The following USP6NL variants were observed in gnomAD, a reference collection of about 807,000 sequenced individuals.
USP6NL encodes USP6 N-terminal-like protein.
USP6NL carries 26 observed loss-of-function variants against 61.9 expected under a neutral mutation model. The ratio of observed to expected loss-of-function variants is 0.42; its 90% CI spans 0.31 to 0.58. The LOEUF is 0.58. Among genes scored for constraint, USP6NL ranks in the 20% least tolerant of loss-of-function variants. The probability of loss-of-function intolerance (pLI) is 0.16; values close to 1 mark genes in which losing one functional copy is unlikely to be tolerated. For synonymous variants in USP6NL, 432 were observed against 390.1 expected (o/e 1.11, Z -1.27); for missense variants, 1,114 against 1,034.3 (o/e 1.08, Z -1.06).
At position 11,462,060 on chromosome 10, in the gene USP6NL, A is replaced by G. The variant is rs1421467884; in HGVS notation, c.*381T>C. ...AGACACATACACTACATATAGCCTTAAAAATATCTATTCTACAGTTTTTTC... is the reference window on the plus strand; with the variant it reads ...AGACACATACACTACATATAGCCTTGAAAATATCTATTCTACAGTTTTTTC... On this transcript the variant is annotated 3_prime_UTR_variant, in exon 15 of 15. Transcript: ENST00000609104. 1.0e-5 allele frequency: 2 copies of G among 195,520 alleles called. No homozygotes were observed. Among genetic ancestry groups the G allele is most frequent in the East Asian group, 2.6e-4 (2 of 7,810 alleles). 12.1% of individuals were successfully genotyped at this position (195,520 alleles called of 1,614,324 possible).
intron 1 of USP6NL, among the ~76,000 whole-genome samples, chr10:11,601,675 C>T (rs1222221032): frequency 6.6e-6 from 1 of 152,154 alleles, no homozygotes; most frequent in Non-Finnish European, 1.5e-5. Flanking sequence ...TTAAGCCATG[C>T]TTAAGAGGCC....
At chr10:11,599,840 TCA>T (rs1838457760) in intron 1 of USP6NL, among the ~76,000 whole-genome samples, 1 of 151,926 alleles carries the variant, frequency 6.6e-6, no homozygotes, top group Admixed American at 6.6e-5. Context: ...TTTGTATTTT[TCA>T]CAGAGACAGC....
rs543951273 is a variant in USP6NL at position 11,546,903 on chromosome 10, C to A, written c.5-19336G>T. On this transcript the variant is annotated intron_variant, in intron 2 of 14. Coordinates refer to ENST00000609104, the MANE Select transcript of USP6NL (RefSeq NM_014688.5). ...TACGCTTTAGAAACAACTTTTCTAA[C>A]AAATAATGTCTGGAATGTGTGGATA... Among the ~76,000 whole-genome samples, 11 of 152,274 alleles carry A rather than the reference C, an allele frequency of 7.2e-5. No homozygotes were observed. In the East Asian group the frequency reaches 2.1e-3, roughly 29 times the overall value.
At chr10:11,605,652 G>C (rs1237974582) in intron 1 of USP6NL, among the ~76,000 whole-genome samples, 4 of 152,110 alleles carry the variant, frequency 2.6e-5, no homozygotes, top group Non-Finnish European at 4.4e-5. Context: ...AACTAGAAAA[G>C]TGGCAAAGCA....
At chr10:11,554,562 CAG>C (rs1386814485) in intron 2 of USP6NL, among the ~76,000 whole-genome samples, 1 of 152,106 alleles carries the variant, frequency 6.6e-6, no homozygotes, top group Non-Finnish European at 1.5e-5. Context: ...AATGGAGAAC[CAG>C]AAATAAGTGA....
At chr10:11,601,263 G>A (rs1265893968) in intron 1 of USP6NL, among the ~76,000 whole-genome samples, 7 of 152,008 alleles carry the variant, frequency 4.6e-5, no homozygotes, top group Non-Finnish European at 7.4e-5. Flanking sequence ...ACACACACAC[G>A]TAAAGATACC....
intron 2 of USP6NL, among the ~76,000 whole-genome samples, chr10:11,552,518 G>A (rs1453654609): frequency 6.6e-6 from 1 of 152,192 alleles, no homozygotes; most frequent in Admixed American, 6.5e-5. Flanking sequence ...TCCTGCCTAC[G>A]GATAGGGGTG....
rs558379437 is a variant in USP6NL at position 11,465,376 on chromosome 10, T to A, written c.1079-1527A>T. 6.6e-6 allele frequency among the ~76,000 whole-genome samples: 1 copy of A among 152,308 alleles called. No individual in the cohort carries two copies. Among genetic ancestry groups the A allele is most frequent in the East Asian group, 1.9e-4 (1 of 5,194 alleles). On this transcript the variant is annotated intron_variant, in intron 14 of 14. Transcript: ENST00000609104. The surrounding 1 kb of genome is among the most constrained non-coding windows in gnomAD (Gnocchi z 4.5). ...TGTGACGCCCAGAGTGGTGAATGCA[T>A]GCCTGAAGATGCACTGTCACAGGGG...
At chr10:11,486,909 T>C (rs1400197949) in intron 10 of USP6NL, among the ~76,000 whole-genome samples, 1 of 152,168 alleles carries the variant, frequency 6.6e-6, no homozygotes, top group Non-Finnish European at 1.5e-5. Context: ...GCACATGCTA[T>C]TGGGCAATGG....
intron 2 of USP6NL, among the ~76,000 whole-genome samples, chr10:11,570,385 G>A (rs1016506943): frequency 7.9e-5 from 12 of 152,116 alleles, no homozygotes; most frequent in African/African-American, 2.9e-4. Flanking sequence ...TAGAGGAAAA[G>A]TATGAAGGAA....
chr10:11,492,134 GGAAA>G (rs1833731284), intron 8 of USP6NL, among the ~76,000 whole-genome samples: 1 of 152,128 alleles, frequency 6.6e-6, no homozygotes, highest in South Asian at 2.1e-4. Flanking sequence ...CCTCACGTGG[GGAAA>G]GAATTAGCAC....
At chr10:11,544,445 G>A (rs1210923711) in intron 2 of USP6NL, among the ~76,000 whole-genome samples, 1 of 151,912 alleles carries the variant, frequency 6.6e-6, no homozygotes, top group Non-Finnish European at 1.5e-5. Flanking sequence ...TAAACTACCT[G>A]AACTTATAGA....
chr10:11,509,526 G>T (rs2133342557), intron 6 of USP6NL, 69 bp downstream of exon 6: 17 of 1,361,064 alleles, frequency 1.2e-5, no homozygotes, highest in Non-Finnish European at 1.5e-5. Flanking sequence ...AATTAAAGAA[G>T]AACTTCTACT....
At chr10:11,586,221 T>G (rs1315199112) in intron 2 of USP6NL, among the ~76,000 whole-genome samples, 1 of 152,034 alleles carries the variant, frequency 6.6e-6, no homozygotes, top group African/African-American at 2.4e-5. Context: ...CCAGAGCAAA[T>G]GTAAATGGGT....
At position 11,532,317 on chromosome 10, in the gene USP6NL, A is replaced by G. The variant is rs539302608; in HGVS notation, c.5-4750T>C. 1,035 of 1,121,534 alleles carry G rather than the reference A, an allele frequency of 9.2e-4. 22 individuals are homozygous for G. In the South Asian group the frequency reaches 0.016, roughly 17 times the overall value. 69.5% of individuals were successfully genotyped at this position (1,121,534 alleles called of 1,614,324 possible). A position where few individuals can be genotyped will look rare whatever the true frequency, so the allele number is the denominator to read the frequency against. On this transcript the variant is annotated intron_variant, in intron 2 of 14. Coordinates refer to ENST00000609104, the MANE Select transcript of USP6NL (RefSeq NM_014688.5). This position sits in a 1 kb window ranked among gnomAD's most constrained non-coding sequence, Gnocchi z 4.1. ...AGTGCTGCCCGGCGGTACCTCACAC[A>G]TTCTGCAACTAACTAAAACAAAGAA...
chr10:11,533,825 G>T (rs1835742513), intron 2 of USP6NL, among the ~76,000 whole-genome samples: 1 of 152,132 alleles, frequency 6.6e-6, no homozygotes, highest in African/African-American at 2.4e-5. Context: ...CCTATGAAAT[G>T]TCTCTTTGAA....
intron 10 of USP6NL, among the ~76,000 whole-genome samples, chr10:11,488,404 G>A (rs1230323328): frequency 3.3e-5 from 5 of 152,152 alleles, no homozygotes; most frequent in Non-Finnish European, 5.9e-5. Flanking sequence ...GCAAGACCCT[G>A]TCTCAACAGT....
At chr10:11,588,406 A>C (rs756117700) in intron 2 of USP6NL, among the ~76,000 whole-genome samples, 3 of 152,216 alleles carry the variant, frequency 2.0e-5, no homozygotes, top group Non-Finnish European at 4.4e-5. Flanking sequence ...GGAACCATAC[A>C]CTGAGGTACA....
chr10:11,539,051 T>C (rs1276552752), intron 2 of USP6NL, among the ~76,000 whole-genome samples: 1 of 152,106 alleles, frequency 6.6e-6, no homozygotes, highest in Non-Finnish European at 1.5e-5. Context: ...ACTCTCCCAC[T>C]CTCCTCTCCA....
Sources: gnomAD v4.1 joint callset for allele counts (sites outside exome capture counted in the v4.1 genomes callset) on GRCh38, gnomAD v4.1.1 for gene constraint, Gnocchi (gnomAD v3.1) non-coding constraint, MANE v1.5 for transcripts, NCBI Gene and HGNC (gene_info 2026-07-23, HGNC 2026-07-21) for gene names.